PRPF38A: variants seen among roughly 807,000 people sequenced by gnomAD.
The protein encoded by PRPF38A is pre-mRNA-splicing factor 38A.
A neutral mutation model predicts 46.8 loss-of-function variants in PRPF38A; 11 were observed. The ratio of observed to expected loss-of-function variants is 0.24; its 90% CI spans 0.15 to 0.39. The LOEUF is 0.39. PRPF38A is among the 10% of genes least tolerant of loss of function. The pLI is 1.00. For missense variants in PRPF38A, 261 were observed against 407.5 expected (o/e 0.64, Z 3.10); for synonymous variants, 124 against 136.2 (o/e 0.91, Z 0.62).
In PRPF38A at chr1:52,407,519, G is replaced by A. The variant is rs1024508081; in HGVS notation, c.291-1050G>A. Among the ~76,000 whole-genome samples the A allele has an allele frequency of 4.6e-5, 7 of 152,208 alleles. No homozygotes were observed. In the South Asian group the frequency reaches 1.0e-3, roughly 23 times the overall value. ...TAGTGTCACAGACTTAGTAAATTAC[G>A]GAGTCAGAATTTGAACCCAGATGAC... On this transcript the variant is annotated intron_variant, in intron 2 of 9. Coordinates refer to ENST00000257181, the MANE Select transcript of PRPF38A (RefSeq NM_032864.4).
At chr1:52,405,570 T>C in intron 1 of PRPF38A, 110 bp from the exon 2 acceptor site, 2 of 951,796 alleles carry the variant, frequency 2.1e-6, no homozygotes, top group South Asian at 3.1e-5. Flanking sequence ...TTCGTTCTCC[T>C]AATATTACAC....
chr1:52,418,980 G>GACTT lies in PRPF38A; in HGVS notation c.*2292_*2295dup, dbSNP rs1462515514. The GACTT allele has an allele frequency of 6.6e-6, 1 of 152,218 alleles. No individual in the cohort carries two copies. The highest frequency in any genetic ancestry group is 2.4e-5 in the African/African-American group (1 of 41,458). The allele number at this position is 152,218 out of a possible 1,614,324, so 9.4% of individuals were successfully genotyped here. On this transcript the variant is annotated 3_prime_UTR_variant, in exon 10 of 10. Coordinates refer to ENST00000257181, the MANE Select transcript of PRPF38A (RefSeq NM_032864.4). ...CACTTCCAATAATTTGAAATACACT[G>GACTT]ACTTAAAAGCTTTGCCATAGGGCAC...
At chr1:52,415,464 T>G (rs554199533) in intron 9 of PRPF38A, 78 bp downstream of exon 9, 2 of 1,227,582 alleles carry the variant, frequency 1.6e-6, no homozygotes, top group African/African-American at 1.5e-5. Context: ...TTTCTTGTTT[T>G]GTTGGGGGAT....
chr1:52,406,227 A>G (rs1234504644), intron 2 of PRPF38A, among the ~76,000 whole-genome samples: 5 of 151,942 alleles, frequency 3.3e-5, no homozygotes, highest in Non-Finnish European at 7.4e-5. Flanking sequence ...GACTTCAGGT[A>G]ATCCCCTCCC....
intron 6 of PRPF38A, 38 bp downstream of exon 6, chr1:52,414,029 G>A: frequency 7.3e-7 from 1 of 1,375,540 alleles, no homozygotes; most frequent in Non-Finnish European, 1.0e-6. Context: ...AGAAGATTTT[G>A]AGCACTGTAG....
Position 52,415,401 on chromosome 1 carries a change from T to A in PRPF38A, c.896+15T>A. On this transcript the variant is annotated intron_variant, in intron 9 of 9. Coordinates refer to ENST00000257181, the MANE Select transcript of PRPF38A (RefSeq NM_032864.4). ...TCTCCCGAAAGGTAATGAATTGACC[T>A]CTATTTTAACTTTACAGAAATAGTC... The A allele has an allele frequency of 6.2e-7, 1 of 1,609,102 alleles. No homozygotes were observed. The highest frequency in any genetic ancestry group is 8.5e-7 in the Non-Finnish European group (1 of 1,175,802).
chr1:52,407,179 G>A lies in PRPF38A; in HGVS notation c.290+1340G>A, dbSNP rs903633736. On this transcript the variant is annotated intron_variant, in intron 2 of 9. Coordinates refer to ENST00000257181, the MANE Select transcript of PRPF38A (RefSeq NM_032864.4). The stretch of plus-strand genomic sequence containing the variant: ...ACTACAGGCGCCCACCACTACACCC[G>A]GCTAATTTTTTGTATTTTTACTAGA... Among the ~76,000 whole-genome samples, 5 of 152,084 alleles carry A rather than the reference G, an allele frequency of 3.3e-5. No individual in the cohort carries two copies. In the South Asian group the frequency reaches 8.3e-4, roughly 25 times the overall value.
chr1:52,420,255 A>G lies in PRPF38A; in HGVS notation c.*3565A>G, dbSNP rs1474087108. ...TGGGAAAAAACCGCCCAATAATGAA[A>G]TTCAACTAAAGAAGAAATGAATCAA... On this transcript the variant is annotated 3_prime_UTR_variant, in exon 10 of 10. Transcript: ENST00000257181. 1.3e-5 allele frequency: 2 copies of G among 152,256 alleles called. No homozygotes were observed. The highest frequency in any genetic ancestry group is 2.9e-5 in the Non-Finnish European group (2 of 68,044). The allele number at this position is 152,256 out of a possible 1,614,324, so 9.4% of individuals were successfully genotyped here.
At chr1:52,406,913 C>T (rs574611286) in intron 2 of PRPF38A, among the ~76,000 whole-genome samples, 106 of 152,340 alleles carry the variant, frequency 7.0e-4, no homozygotes, top group African/African-American at 2.5e-3. Context: ...ATATTCTTTG[C>T]TACAGTATTC....
At chr1:52,410,073 T>C (rs1648104610) in intron 3 of PRPF38A, among the ~76,000 whole-genome samples, 1 of 149,158 alleles carries the variant, frequency 6.7e-6, no homozygotes, top group African/African-American at 2.4e-5. Flanking sequence ...ATATATACAT[T>C]TTATAATTAT....
intron 3 of PRPF38A, 174 bp downstream of exon 3, chr1:52,408,864 GCTTCGTGTTGGC>G (rs1206946778): frequency 4.4e-6 from 3 of 686,892 alleles, no homozygotes; most frequent in Non-Finnish European, 6.9e-6. Context: ...CTGACTACTA[GCTTCGTGTTGGC>G]CTTACCCAGC....
In PRPF38A at chr1:52,412,993, C is replaced by A. The variant is rs549420686; in HGVS notation, c.609+369C>A. ...CTCCAGCTTGGGCAAAAGTGAGACT[C>A]CGTCTCAAAAAAAATTTTTTTTCTA... On this transcript the variant is annotated intron_variant, in intron 5 of 9. Coordinates refer to ENST00000257181, the MANE Select transcript of PRPF38A (RefSeq NM_032864.4). 1.1e-4 allele frequency among the ~76,000 whole-genome samples: 16 copies of A among 152,208 alleles called. No individual in the cohort carries two copies. The South Asian group carries it at 1.9e-3, about 18-fold the overall frequency.
chr1:52,415,445 A>G (rs375679724), intron 9 of PRPF38A, 59 bp downstream of exon 9: 215 of 1,454,396 alleles, frequency 1.5e-4, no homozygotes, highest in Non-Finnish European at 1.8e-4. Flanking sequence ...AACTAACTGG[A>G]CCTGAAATTT....
intron 4 of PRPF38A, among the ~76,000 whole-genome samples, chr1:52,411,964 G>A (rs1373162973): frequency 6.6e-6 from 1 of 152,132 alleles, no homozygotes; most frequent in African/African-American, 2.4e-5. Flanking sequence ...CTGGGACCAC[G>A]GGTACATGCC....
chr1:52,412,715 A>G (rs528563422), intron 5 of PRPF38A, 91 bp downstream of exon 5: 9 of 833,856 alleles, frequency 1.1e-5, no homozygotes, highest in Admixed American at 2.5e-5. Context: ...TTTTAACTCT[A>G]TTGGCCGGGC....
chr1:52,409,294 A>G (rs1260305319), intron 3 of PRPF38A, among the ~76,000 whole-genome samples: 1 of 152,188 alleles, frequency 6.6e-6, no homozygotes, highest in South Asian at 2.1e-4. Context: ...TTCCCCCTAC[A>G]TGTATCATTA....
At chr1:52,411,255 C>A in intron 4 of PRPF38A, 55 bp downstream of exon 4, 2 of 1,220,432 alleles carry the variant, frequency 1.6e-6, no homozygotes, top group Non-Finnish European at 2.4e-6. Context: ...GACGGGCAGA[C>A]AGACAAACAC....
chr1:52,416,706 T>G lies in PRPF38A; in HGVS notation c.*16T>G, dbSNP rs1462488980. The G allele has an allele frequency of 6.2e-7, 1 of 1,601,604 alleles. No individual in the cohort carries two copies. The highest frequency in any genetic ancestry group is 8.6e-7 in the Non-Finnish European group (1 of 1,168,618). ...GAATGAGTAATGGACTCAGTTTGGTTTTAGTCCACATGGCCTCCTGTGGAT... is the reference window on the plus strand; with the variant it reads ...GAATGAGTAATGGACTCAGTTTGGTGTTAGTCCACATGGCCTCCTGTGGAT... On this transcript the variant is annotated 3_prime_UTR_variant, in exon 10 of 10. Coordinates refer to ENST00000257181, the MANE Select transcript of PRPF38A (RefSeq NM_032864.4).
In PRPF38A at chr1:52,413,926, C is replaced by G; in HGVS notation, c.657C>G (p.Asp219Glu). The G allele has an allele frequency of 6.2e-7, 1 of 1,614,022 alleles. No homozygotes were observed. ...SPDHRRRSYRDLDKPRRSPTL... is the reference protein window; with the variant it reads ...SPDHRRRSYRELDKPRRSPTL... The stretch of plus-strand genomic sequence containing the variant: ...ATCACCGCCGGAGAAGCTACCGAGA[C>G]TTGGACAAGCCCCGTCGCTCTCCCA... The change falls in exon 6 of 10, where the codon GAC becomes GAG. Residue 219 changes from aspartate (D) to glutamate (E), a missense_variant. Physicochemically the swap from Asp to Glu is conservative, Grantham distance 45. Around this residue, in one of 2 missense-constraint regions of PRPF38A, gnomAD observed 180 missense variants for 221.0 expected, o/e 0.81. Transcript: ENST00000257181.
Sources: allele counts gnomAD v4.1 joint callset (sites outside exome capture counted in the v4.1 genomes callset), GRCh38; gene constraint gnomAD v4.1.1; regional missense constraint gnomAD v4.1.1; transcripts MANE v1.5; gene names NCBI Gene and HGNC (gene_info 2026-07-23, HGNC 2026-07-21).